ATRIP: variants seen among roughly 807,000 people sequenced by gnomAD.
ATRIP encodes ATR interacting protein.
In ATRIP, 44 loss-of-function variants were observed where a neutral mutation model predicts 78.1. The observed-to-expected ratio is 0.56, with a 90% CI of 0.44 to 0.72. The LOEUF is 0.72. ATRIP is among the 30% of genes least tolerant of loss of function. The pLI is 0.00. For missense variants in ATRIP, 927 were observed against 980.2 expected (o/e 0.95, Z 0.72); for synonymous variants, 388 against 408.9 (o/e 0.95, Z 0.62).
In ATRIP at chr3:48,465,766, C is replaced by T. The variant is rs187906761; in HGVS notation, c.*212C>T. On this transcript the variant is annotated 3_prime_UTR_variant, in exon 13 of 13. Coordinates refer to ENST00000320211, the MANE Select transcript of ATRIP (RefSeq NM_130384.3). ...TCCTGTCCCTGGCTGTTGCTGAGCC[C>T]GTCCCCATGGTAACTGATCTGCCTT... The T allele has an allele frequency of 4.5e-5, 24 of 538,226 alleles. No individual in the cohort carries two copies. The highest frequency in any genetic ancestry group is 1.0e-4 in the East Asian group (3 of 30,086). The allele number at this position is 538,226 out of a possible 1,614,324, so 33.3% of individuals were successfully genotyped here.
chr3:48,465,402 C>A, intron 12 of ATRIP, 85 bp from the exon 13 acceptor site: 1 of 1,375,464 alleles, frequency 7.3e-7, no homozygotes, highest in Non-Finnish European at 1.0e-6. Flanking sequence ...TTAGTTCCTG[C>A]GGACGTTGGG....
At position 48,447,069 on chromosome 3, in the gene ATRIP, C is replaced by G. The variant is rs771487037; in HGVS notation, c.224C>G (p.Pro75Arg). ...GCGTCACAGGCCCTGAGCCAATGTC[C>G]GGCCGCGGCTCGGGACGTGTCCAGT... ...TLASQALSQC[P>R]AAARDVSSDH... Residue 75 changes from proline (P) to arginine (R), a missense_variant, in exon 1 of 13, where the codon CCG (proline) becomes CGG (arginine). Coordinates refer to ENST00000320211, the MANE Select transcript of ATRIP (RefSeq NM_130384.3). 1.9e-5 allele frequency: 30 copies of G among 1,563,430 alleles called. No homozygotes were observed. In the South Asian group the frequency reaches 3.4e-4, roughly 18 times the overall value.
intron 2 of ATRIP, 149 bp downstream of exon 2, chr3:48,450,319 GT>G: frequency 1.7e-6 from 2 of 1,209,426 alleles, no homozygotes; most frequent in Non-Finnish European, 2.3e-6. Flanking sequence ...AAACCAGAAA[GT>G]TTAGGCTGAA....
chr3:48,466,937 G>A lies in ATRIP; in HGVS notation c.*1383G>A, dbSNP rs374854957. ...GTCTGAGCACAGCTGTGCTGGCAGC[G>A]CATGGGCGTCAATGTTTTGATGACA... On this transcript the variant is annotated 3_prime_UTR_variant, in exon 13 of 13. Transcript: ENST00000320211. 52 of 1,611,322 alleles carry A rather than the reference G, an allele frequency of 3.2e-5. 1 individual carries two copies. Among genetic ancestry groups the A allele is most frequent in the South Asian group, 1.6e-4 (15 of 91,092 alleles).
At chr3:48,455,994 G>A (rs573622051) in intron 4 of ATRIP, among the ~76,000 whole-genome samples, 8 of 152,152 alleles carry the variant, frequency 5.3e-5, no homozygotes, top group Admixed American at 2.0e-4. Context: ...GGTGGCATGC[G>A]CCTGTAATCC....
chr3:48,452,085 ACT>A (rs1260031803), intron 3 of ATRIP, among the ~76,000 whole-genome samples, 186 bp downstream of exon 3: 4 of 152,080 alleles, frequency 2.6e-5, no homozygotes, highest in Non-Finnish European at 5.9e-5. Flanking sequence ...TTTAGATGAA[ACT>A]CTATTTTGCT....
Position 48,464,833 on chromosome 3 carries a change from G to C in ATRIP, c.2058G>C (p.Val686=), listed in dbSNP as rs775193356. ...AGTCTGCACCCCCCCTCTCTCAGGT[G>C]GTCAGAGCGCTCACGGTGATGTTGC... is the stretch of plus-strand genomic sequence containing the variant. ...TGSNCQCNVE[V]VRALTVMLHR... The change falls in exon 12 of 13, where the codon GTG becomes GTC. Residue 686 remains valine (V), a splice_region_variant and synonymous_variant. Transcript: ENST00000320211. 3.7e-6 allele frequency: 6 copies of C among 1,608,902 alleles called. No individual in the cohort carries two copies. The highest frequency in any genetic ancestry group is 4.3e-6 in the Non-Finnish European group (5 of 1,176,024).
rs867148059 is a variant in ATRIP, at chr3:48,467,439, C to T, written c.*1885C>T. ...CCTGGCCACAACCAGGAACACTAGT[C>T]CCAGCCTTGGAGAGAGCAGGGGTAC... On this transcript the variant is annotated 3_prime_UTR_variant, in exon 13 of 13. Coordinates refer to ENST00000320211, the MANE Select transcript of ATRIP (RefSeq NM_130384.3). 7 of 1,614,068 alleles carry T rather than the reference C, an allele frequency of 4.3e-6. No homozygotes were observed. The highest frequency in any genetic ancestry group is 1.6e-4 in the Middle Eastern group (1 of 6,084).
chr3:48,449,141 T>C (rs1041987807), intron 1 of ATRIP, among the ~76,000 whole-genome samples: 1 of 152,056 alleles, frequency 6.6e-6, no homozygotes, highest in Non-Finnish European at 1.5e-5. Context: ...CAGCCGGGTG[T>C]GGTGGCTCAC....
In ATRIP at chr3:48,460,333, A is replaced by G. The variant is rs1363005582; in HGVS notation, c.1279A>G (p.Ile427Val). The G allele has an allele frequency of 9.9e-6, 16 of 1,613,416 alleles. No individual in the cohort carries two copies. Among genetic ancestry groups the G allele is most frequent in the Non-Finnish European group, 1.3e-5 (15 of 1,179,696 alleles). Residue 427 changes from isoleucine to valine, a missense_variant, in exon 8 of 13, where the codon ATC becomes GTC. Coordinates refer to ENST00000320211, the MANE Select transcript of ATRIP (RefSeq NM_130384.3). ...TTTCCTCCCCCTTGTACAGTTCTTC[A>G]TCGGCTTACACTGCCAGGCCCTGCA... ...VHFLPLVQFFIGLHCQALQDL... is the reference protein window; with the variant it reads ...VHFLPLVQFFVGLHCQALQDL...
chr3:48,457,991 A>G (rs1332710299), intron 5 of ATRIP, among the ~76,000 whole-genome samples: 3 of 151,568 alleles, frequency 2.0e-5, no homozygotes, highest in Non-Finnish European at 4.4e-5. Flanking sequence ...GTCATTTAGC[A>G]TTAGGTATAT....
In ATRIP at chr3:48,459,908, G is replaced by A. The variant is rs749929349; in HGVS notation, c.1047G>A (p.Gly349=). The change falls in exon 7 of 13, where the codon GGG becomes GGA. Residue 349 remains glycine (G), a synonymous_variant. Coordinates refer to ENST00000320211, the MANE Select transcript of ATRIP (RefSeq NM_130384.3). Reference sequence around the variant, plus strand: ...CTGGCACCCCCCTGCAGCCACCAGGGTTTGGCAGGTAAGCATAAGACTCCT... The same window carrying A: ...CTGGCACCCCCCTGCAGCCACCAGGATTTGGCAGGTAAGCATAAGACTCCT... ...SPAGTPLQPP[G]FGSTLAGMSG... is the part of the protein sequence containing the mutation. The A allele has an allele frequency of 4.3e-6, 7 of 1,610,410 alleles. No homozygotes were observed. The highest frequency in any genetic ancestry group is 2.2e-5 in the South Asian group (2 of 90,440).
chr3:48,466,035 T>A lies in ATRIP; in HGVS notation c.*481T>A, dbSNP rs952241601. 2 of 320,582 alleles carry A rather than the reference T, an allele frequency of 6.2e-6. No homozygotes were observed. Among genetic ancestry groups the A allele is most frequent in the Admixed American group, 8.7e-5 (2 of 22,892 alleles). 19.9% of individuals were successfully genotyped at this position (320,582 alleles called of 1,614,324 possible). ...CCTGGTCCTTCCAGCTGCCTGTCAC[T>A]GGTATGATGGCCCCGGTGCATTGTG... is the stretch of plus-strand genomic sequence containing the variant. On this transcript the variant is annotated 3_prime_UTR_variant, in exon 13 of 13. Transcript: ENST00000320211.
Position 48,457,370 on chromosome 3 carries a change from C to A in ATRIP, c.783C>A (p.His261Gln), listed in dbSNP as rs758676126. Residue 261 changes from histidine to glutamine, a missense_variant, in exon 5 of 13, where the codon CAC (histidine) becomes CAA (glutamine). By Grantham distance (24) the His-to-Gln change is conservative. Coordinates refer to ENST00000320211, the MANE Select transcript of ATRIP (RefSeq NM_130384.3). Reference protein sequence around the residue: ...ESFSANMSLPHPCQTESGYKP... With the variant: ...ESFSANMSLPQPCQTESGYKP... ...TTAGTGCTAACATGTCCCTTCCCCA[C>A]CCCTGCCAGACGGAGTCAGGATACA... 1.3e-5 allele frequency: 20 copies of A among 1,599,872 alleles called. No homozygotes were observed. The highest frequency in any genetic ancestry group is 1.6e-5 in the Non-Finnish European group (19 of 1,173,744).
At chr3:48,464,251 G>GCTTT in intron 10 of ATRIP, 119 bp downstream of exon 10, 3 of 963,568 alleles carry the variant, frequency 3.1e-6, no homozygotes, top group Non-Finnish European at 4.8e-6. Context: ...AACAAGAGTT[G>GCTTT]ATAAAGCAAC....
At chr3:48,459,679 C>A in intron 6 of ATRIP, 108 bp from the exon 7 acceptor site, 1 of 1,447,910 alleles carries the variant, frequency 6.9e-7, no homozygotes, top group South Asian at 1.3e-5. Flanking sequence ...GGCTTAGTGG[C>A]AGCCTAGAGG....
At chr3:48,451,028 A>C (rs1037563423) in intron 2 of ATRIP, among the ~76,000 whole-genome samples, 4 of 151,678 alleles carry the variant, frequency 2.6e-5, no homozygotes, top group African/African-American at 9.7e-5. Context: ...GTCTCTACTA[A>C]AAATACAAAA....
At chr3:48,459,024 G>A (rs1560105756) in intron 5 of ATRIP, among the ~76,000 whole-genome samples, 1 of 152,184 alleles carries the variant, frequency 6.6e-6, no homozygotes, top group Non-Finnish European at 1.5e-5. Flanking sequence ...TCCTTGTAGG[G>A]TCACTGAGGA....
At chr3:48,459,961 TG>T in intron 7 of ATRIP, 45 bp downstream of exon 7, 1 of 1,581,296 alleles carries the variant, frequency 6.3e-7, no homozygotes, top group South Asian at 1.2e-5. Context: ...AGGAGCTTCC[TG>T]GAAGCAAATT....
Sources: gnomAD v4.1 joint callset for allele counts (sites outside exome capture counted in the v4.1 genomes callset) on GRCh38, gnomAD v4.1.1 for gene constraint, MANE v1.5 for transcripts, NCBI Gene and HGNC (gene_info 2026-07-23, HGNC 2026-07-21) for gene names.